Variants in ZNF385B observed in about 807,000 individuals in gnomAD.
The protein encoded by ZNF385B is zinc finger protein 385B, also known as zinc finger protein 533.
ZNF385B carries 23 observed loss-of-function variants against 39.2 expected under a neutral mutation model. The observed-to-expected ratio is 0.59, with a 90% confidence interval of 0.42 to 0.83. The LOEUF is 0.83. Among genes scored for constraint, ZNF385B ranks in the 40% least tolerant of loss-of-function variants. The probability of loss-of-function intolerance (pLI) is 0.00; values close to 1 mark genes in which losing one functional copy is unlikely to be tolerated. For missense variants in ZNF385B, 552 were observed against 598.9 expected (o/e 0.92, Z 0.82); for synonymous variants, 205 against 222.6 (o/e 0.92, Z 0.70).
chr2:179,761,513 AATGGTATTT>A (rs1443353591), intron 3 of ZNF385B, among the ~76,000 whole-genome samples: 2 of 152,038 alleles, frequency 1.3e-5, no homozygotes, highest in African/African-American at 4.8e-5. Flanking sequence ...AGTGATTATA[AATGGTATTT>A]GCATTTTAAA....
At chr2:179,688,074 C>G (rs929169533) in intron 3 of ZNF385B, among the ~76,000 whole-genome samples, 1 of 152,170 alleles carries the variant, frequency 6.6e-6, no homozygotes, top group Non-Finnish European at 1.5e-5. Context: ...AGCTCAGTTT[C>G]TGTCCCTTTT....
chr2:179,841,755 G>C (rs943518051), intron 1 of ZNF385B, among the ~76,000 whole-genome samples: 4 of 152,168 alleles, frequency 2.6e-5, no homozygotes, highest in Non-Finnish European at 5.9e-5. Flanking sequence ...ATCCTAGAGA[G>C]AATTTCTTCC....
intron 3 of ZNF385B, among the ~76,000 whole-genome samples, chr2:179,753,929 T>C (rs2106474274): frequency 6.6e-6 from 1 of 152,286 alleles, no homozygotes; most frequent in African/African-American, 2.4e-5. Context: ...TTTATTTCTT[T>C]CTCCTGCCTG....
In ZNF385B at chr2:179,518,555, A is replaced by T; in HGVS notation, c.525T>A (p.Asn175Lys). 1.2e-6 allele frequency: 2 copies of T among 1,608,634 alleles called. No homozygotes were observed. Among genetic ancestry groups the T allele is most frequent in the Non-Finnish European group, 1.7e-6 (2 of 1,178,178 alleles). Residue 175 changes from asparagine (N) to lysine (K), a missense_variant, in exon 5 of 10, where the codon AAT (asparagine) becomes AAA (lysine). Physicochemically the swap from Asn to Lys is moderately conservative, Grantham distance 94 (BLOSUM62 0). Transcript: ENST00000410066. ...CTGAGTTAAAGCGAAGCTGACAGAC[A>T]TTACAAGAAATAACTTGTTTCTTCT... ...PPKKKQVISC[N>K]VCQLRFNSDS...
intron 3 of ZNF385B, among the ~76,000 whole-genome samples, chr2:179,764,757 T>C (rs1424204873): frequency 6.6e-6 from 1 of 152,232 alleles, no homozygotes; most frequent in Admixed American, 6.5e-5. Flanking sequence ...AGTCATCAAA[T>C]ATGATTTACA....
intron 3 of ZNF385B, among the ~76,000 whole-genome samples, chr2:179,741,836 G>A (rs995401481): frequency 6.6e-6 from 1 of 151,982 alleles, no homozygotes; most frequent in African/African-American, 2.4e-5. Flanking sequence ...AAGTTACTCT[G>A]CCTCTCGGAG....
Position 179,554,794 on chromosome 2 carries a change from A to G in ZNF385B, c.299-9825T>C, listed in dbSNP as rs1351244540. On this transcript the variant is annotated intron_variant, in intron 3 of 9. Coordinates refer to ENST00000410066, the MANE Select transcript of ZNF385B (RefSeq NM_152520.6). ...TAGGAATATGTGAATTACAACTACAATGAGGTATCACTACATATCCACAAG... is the reference window on the plus strand; with the variant it reads ...TAGGAATATGTGAATTACAACTACAGTGAGGTATCACTACATATCCACAAG... Among the ~76,000 whole-genome samples the G allele has an allele frequency of 4.7e-5, 7 of 149,440 alleles. 1 individual carries two copies. Among genetic ancestry groups the G allele is most frequent in the Non-Finnish European group, 8.9e-5 (6 of 67,628 alleles).
intron 3 of ZNF385B, among the ~76,000 whole-genome samples, chr2:179,572,485 T>TA (rs1268974034): frequency 3.9e-5 from 6 of 152,024 alleles, no homozygotes; most frequent in Non-Finnish European, 8.8e-5. Flanking sequence ...GAAGGCATCA[T>TA]AGTAACCTAT....
chr2:179,801,335 G>T (rs1706019201), intron 1 of ZNF385B, among the ~76,000 whole-genome samples: 1 of 151,954 alleles, frequency 6.6e-6, no homozygotes, highest in Non-Finnish European at 1.5e-5. Context: ...CCTGGTCTGG[G>T]GTAGAGATAG....
intron 1 of ZNF385B, among the ~76,000 whole-genome samples, chr2:179,832,527 G>A (rs115352521): frequency 6.6e-6 from 1 of 152,140 alleles, no homozygotes; most frequent in East Asian, 1.9e-4. Context: ...GGAAAGGAAA[G>A]GGCACTATTC....
intron 3 of ZNF385B, among the ~76,000 whole-genome samples, chr2:179,673,310 G>C (rs998242660): frequency 6.6e-6 from 1 of 152,032 alleles, no homozygotes; most frequent in Non-Finnish European, 1.5e-5. Context: ...TGGAACATGA[G>C]CTCACAATCC....
intron 5 of ZNF385B, among the ~76,000 whole-genome samples, chr2:179,500,474 G>A (rs1014091717): frequency 3.3e-5 from 5 of 152,028 alleles, no homozygotes; most frequent in African/African-American, 1.2e-4. Flanking sequence ...TTTAACAAAG[G>A]TGCCAATAAC....
chr2:179,630,685 G>C (rs749397746), intron 3 of ZNF385B, among the ~76,000 whole-genome samples: 1 of 152,196 alleles, frequency 6.6e-6, no homozygotes, highest in African/African-American at 2.4e-5. Flanking sequence ...ATGAACTGAC[G>C]GAAGTAGGCT....
chr2:179,459,638 T>C (rs986877776), intron 6 of ZNF385B, among the ~76,000 whole-genome samples: 1 of 151,624 alleles, frequency 6.6e-6, no homozygotes, highest in Non-Finnish European at 1.5e-5. Flanking sequence ...GATTTATATA[T>C]ACAAATGTAT....
intron 6 of ZNF385B, among the ~76,000 whole-genome samples, chr2:179,450,025 G>T (rs2049932253): frequency 6.6e-6 from 1 of 151,936 alleles, no homozygotes; most frequent in Non-Finnish European, 1.5e-5. Flanking sequence ...TTAATAAATG[G>T]TGCTGGGAAA....
At chr2:179,828,785 GA>G (rs1264264381) in intron 1 of ZNF385B, among the ~76,000 whole-genome samples, 6 of 152,254 alleles carry the variant, frequency 3.9e-5, no homozygotes, top group African/African-American at 1.4e-4. Flanking sequence ...GGCATGATTT[GA>G]AATATATGGG....
chr2:179,657,509 C>T (rs1396587182), intron 3 of ZNF385B, among the ~76,000 whole-genome samples: 2 of 152,130 alleles, frequency 1.3e-5, no homozygotes, highest in Non-Finnish European at 2.9e-5. Context: ...CTCCTCCAGG[C>T]CAAAATGGTC....
intron 4 of ZNF385B, among the ~76,000 whole-genome samples, chr2:179,544,493 A>G (rs1417719006): frequency 1.3e-5 from 2 of 151,940 alleles, no homozygotes; most frequent in Non-Finnish European, 2.9e-5. Flanking sequence ...GAGTCTTGGT[A>G]TCTCTAAATT....
At chr2:179,823,032 A>G (rs1707492627) in intron 1 of ZNF385B, among the ~76,000 whole-genome samples, 1 of 152,168 alleles carries the variant, frequency 6.6e-6, no homozygotes. Context: ...GGAGGGGAGA[A>G]AAACAGTAAG....
Sources: gnomAD v4.1 joint callset for allele counts (sites outside exome capture counted in the v4.1 genomes callset) on GRCh38, gnomAD v4.1.1 for gene constraint, MANE v1.5 for transcripts, NCBI Gene and HGNC (gene_info 2026-07-23, HGNC 2026-07-21) for gene names.